ANKDD1A: variants seen among roughly 807,000 people sequenced by gnomAD.
The protein encoded by ANKDD1A is ankyrin repeat and death domain-containing protein 1A.
In ANKDD1A, 59 loss-of-function variants were observed where a neutral mutation model predicts 63.5. That is an observed-to-expected ratio of 0.93 (90% CI 0.75 to 1.15). ANKDD1A has a LOEUF of 1.15. Ranked by LOEUF, ANKDD1A falls within the 50% of genes most tolerant of loss-of-function variation. The probability of loss-of-function intolerance (pLI) is 0.00; values close to 1 mark genes in which losing one functional copy is unlikely to be tolerated. For synonymous variants in ANKDD1A, 266 were observed against 263.9 expected (o/e 1.01, Z -0.08); for missense variants, 632 against 656.4 (o/e 0.96, Z 0.41).
At chr15:64,955,077 T>C (rs1163878998) in intron 14 of ANKDD1A, among the ~76,000 whole-genome samples, 1 of 151,680 alleles carries the variant, frequency 6.6e-6, no homozygotes, top group African/African-American at 2.4e-5. Flanking sequence ...TTTTTTGATA[T>C]GGAGTCTTAC....
At chr15:64,923,257 G>A (rs1413549335) in intron 4 of ANKDD1A, among the ~76,000 whole-genome samples, 1 of 152,140 alleles carries the variant, frequency 6.6e-6, no homozygotes, top group Admixed American at 6.6e-5. Context: ...AGGAATTCGG[G>A]CAGCTTCTAG....
intron 6 of ANKDD1A, among the ~76,000 whole-genome samples, chr15:64,928,632 AGG>A (rs2085065336): frequency 6.6e-6 from 1 of 152,222 alleles, no homozygotes; most frequent in Non-Finnish European, 1.5e-5. Flanking sequence ...ATGACAACAC[AGG>A]TCACTCCACG....
chr15:64,928,839 C>T (rs759396292), intron 6 of ANKDD1A, among the ~76,000 whole-genome samples: 1 of 152,258 alleles, frequency 6.6e-6, no homozygotes, highest in African/African-American at 2.4e-5. Flanking sequence ...CCTGCCCTGC[C>T]CAGGAAAGTG....
chr15:64,952,961 C>CAT (rs2085326884), intron 14 of ANKDD1A, among the ~76,000 whole-genome samples: 1 of 84,550 alleles, frequency 1.2e-5, no homozygotes, highest in Non-Finnish European at 2.2e-5. Flanking sequence ...CTTTCTTCCT[C>CAT]TTCTTCTTTT....
At chr15:64,953,628 T>TTAGTTCTTCTTCTTCCTTCTTTC (rs149400321) in intron 14 of ANKDD1A, among the ~76,000 whole-genome samples, 10 of 125,752 alleles carry the variant, frequency 8.0e-5, no homozygotes, top group African/African-American at 2.9e-4. Context: ...CTTCTTCTTC[T>TTAGTTCTTCTTCTTCCTTCTTTC]TCCTTCTTCT....
rs2085192911 is a variant in ANKDD1A, at chr15:64,942,530, A to G, written c.931A>G (p.Ile311Val). 2 of 1,613,670 alleles carry G rather than the reference A, an allele frequency of 1.2e-6. No individual in the cohort carries two copies. The highest frequency in any genetic ancestry group is 1.1e-5 in the South Asian group (1 of 91,022). The change falls in exon 10 of 15, where the codon ATC becomes GTC. Residue 311 changes from isoleucine (I) to valine (V), a missense_variant. Coordinates refer to ENST00000319580, the MANE Select transcript of ANKDD1A (RefSeq NM_182703.6). ...HNFPALVRLL[I>V]NSDSDVNAVD... is the part of the protein sequence containing the mutation. ...CTTCCCTGCCTTGGTCCGGCTCCTC[A>G]TCAACTCCGACAGTGACGTGAATGC... is the stretch of plus-strand genomic sequence containing the variant.
chr15:64,912,500 C>G (rs1271048186), intron 1 of ANKDD1A, among the ~76,000 whole-genome samples: 2 of 152,168 alleles, frequency 1.3e-5, no homozygotes, highest in East Asian at 1.9e-4. Flanking sequence ...AGGAGAGGAG[C>G]CTGACTGGCC....
At chr15:64,951,121 C>T (rs2085266216) in intron 14 of ANKDD1A, 1 of 1,157,188 alleles carries the variant, frequency 8.6e-7, no homozygotes, top group East Asian at 7.0e-5. Context: ...TGTTAACAGA[C>T]CTCCAGGTGA....
chr15:64,920,480 C>T (rs532951456), intron 3 of ANKDD1A, among the ~76,000 whole-genome samples: 31 of 152,208 alleles, frequency 2.0e-4, no homozygotes, highest in Admixed American at 5.9e-4. Flanking sequence ...TGTTTGACTG[C>T]GCAGGGATGT....
intron 13 of ANKDD1A, 27 bp from the exon 14 acceptor site, chr15:64,949,814 C>G (rs1455514701): frequency 1.3e-6 from 2 of 1,595,774 alleles, no homozygotes; most frequent in East Asian, 2.2e-5. Flanking sequence ...CCTTCTCCCT[C>G]TCTCTCTCCT....
At chr15:64,938,688 A>G (rs1415023107) in intron 9 of ANKDD1A, among the ~76,000 whole-genome samples, 4 of 152,230 alleles carry the variant, frequency 2.6e-5, no homozygotes, top group Admixed American at 1.3e-4. Context: ...GCAGTGGCTC[A>G]TGCCTGTAAT....
chr15:64,912,655 T>TG (rs1417576048), intron 1 of ANKDD1A, among the ~76,000 whole-genome samples: 3 of 152,180 alleles, frequency 2.0e-5, no homozygotes, highest in Non-Finnish European at 2.9e-5. Flanking sequence ...GAGAGAAAGA[T>TG]TGTGTCGGTG....
intron 4 of ANKDD1A, 118 bp from the exon 5 acceptor site, chr15:64,925,927 GTCCATTCATCATTTACAGTGT>G (rs1484870390): frequency 4.3e-5 from 31 of 727,336 alleles, no homozygotes; most frequent in Non-Finnish European, 6.7e-5. Context: ...TATCCCTCGG[GTCCATTCATCATTTACAGTGT>G]TGTATCCATG....
At chr15:64,931,793 A>G (rs1164724476) in intron 8 of ANKDD1A, 6 of 608,690 alleles carry the variant, frequency 9.9e-6, no homozygotes, top group Non-Finnish European at 1.7e-5. Flanking sequence ...CCAACTATAA[A>G]GTGCAGTGAC....
At chr15:64,952,120 TTC>T (rs1427841598) in intron 14 of ANKDD1A, among the ~76,000 whole-genome samples, 7 of 9,074 alleles carry the variant, frequency 7.7e-4, no homozygotes, top group South Asian at 1.4e-3. Context: ...TTCTTCTTTC[TTC>T]TCTTTCTTCT....
At chr15:64,917,569 T>C in intron 3 of ANKDD1A, 55 bp downstream of exon 3, 1 of 1,524,320 alleles carries the variant, frequency 6.6e-7, no homozygotes, top group Non-Finnish European at 8.9e-7. Context: ...TGGAGATCTC[T>C]CTGGGTCTAT....
rs760052403 is a variant in ANKDD1A at position 64,926,049 on chromosome 15, C to T, written c.367-17C>T. 2.4e-5 allele frequency: 38 copies of T among 1,608,966 alleles called. No individual in the cohort carries two copies. Among genetic ancestry groups the T allele is most frequent in the Non-Finnish European group, 2.9e-5 (34 of 1,177,930 alleles). On this transcript the variant is annotated splice_polypyrimidine_tract_variant and intron_variant, in intron 4 of 14. Coordinates refer to ENST00000319580, the MANE Select transcript of ANKDD1A (RefSeq NM_182703.6). ...TCCCTTCACAGACTGCAGGAACCCT[C>T]CTGCACTTGTTTCCAGGATGGCCTG...
Position 64,926,120 on chromosome 15 carries a change from G to T in ANKDD1A, c.421G>T (p.Ala141Ser). ...CCAAAAAGGCCATGTGCCTGTGCTG[G>T]CGTTCATAATGGAGGACCTGGAGGA... is the stretch of plus-strand genomic sequence containing the variant. ...AAQKGHVPVL[A>S]FIMEDLEDVA... The change falls in exon 5 of 15, where the codon GCG (alanine) becomes TCG (serine). Residue 141 changes from alanine to serine, a missense_variant. Ala to Ser is a moderately conservative substitution (Grantham distance 99). Transcript: ENST00000319580. 6.2e-7 allele frequency: 1 copy of T among 1,614,076 alleles called. No individual in the cohort carries two copies. Among genetic ancestry groups the T allele is most frequent in the Non-Finnish European group, 8.5e-7 (1 of 1,180,012 alleles).
chr15:64,926,263 C>T (rs2085045835), intron 5 of ANKDD1A, 93 bp downstream of exon 5: 2 of 1,271,090 alleles, frequency 1.6e-6, no homozygotes, highest in Non-Finnish European at 2.2e-6. Context: ...TCCTTGGGTG[C>T]ATCCTTTGAT....
Sources: allele counts gnomAD v4.1 joint callset (sites outside exome capture counted in the v4.1 genomes callset), GRCh38; gene constraint gnomAD v4.1.1; transcripts MANE v1.5; gene names NCBI Gene and HGNC (gene_info 2026-07-23, HGNC 2026-07-21).